ZBTB5: variants seen among roughly 807,000 people sequenced by gnomAD.
ZBTB5 encodes zinc finger and BTB domain containing 5.
In ZBTB5, 15 loss-of-function variants were observed where a neutral mutation model predicts 37.9. The ratio of observed to expected loss-of-function variants is 0.40; its 90% CI spans 0.26 to 0.61. The LOEUF (loss-of-function observed/expected upper bound fraction) is 0.61, where lower values mean the gene tolerates loss of function less well. Ranked by LOEUF, ZBTB5 falls within the 20% of genes least tolerant of loss-of-function variation. The pLI, the probability that ZBTB5 is intolerant of heterozygous loss-of-function variation, is 0.47. For synonymous variants in ZBTB5, 315 were observed against 312.4 expected, an observed-to-expected ratio of 1.01 and a Z score of -0.09; for missense variants, 708 against 856.8, an observed-to-expected ratio of 0.83 and a Z score of 2.17.
At position 37,439,803 on chromosome 9, in the gene ZBTB5, C is replaced by T. The variant is rs1351799918; in HGVS notation, c.*715G>A. ...AGCACATAGGGAAACAATACCTTGT[C>T]ACTCTCTACAAGTACACACTCCATT... On this transcript the variant is annotated 3_prime_UTR_variant, in exon 2 of 2. Transcript: ENST00000307750. 2.0e-5 allele frequency: 3 copies of T among 151,630 alleles called. No homozygotes were observed. Among genetic ancestry groups the T allele is most frequent in the Admixed American group, 6.6e-5 (1 of 15,168 alleles). 9.4% of individuals were successfully genotyped at this position (151,630 alleles called of 1,614,324 possible).
chr9:37,461,863 TTTTA>T (rs752068995), intron 1 of ZBTB5, among the ~76,000 whole-genome samples: 17 of 152,208 alleles, frequency 1.1e-4, no homozygotes, highest in Admixed American at 8.5e-4. Context: ...AAAATGAACA[TTTTA>T]TTTGTTAATT....
chr9:37,440,968 T>C lies in ZBTB5; in HGVS notation c.1584A>G (p.Gly528=), dbSNP rs1823858045. 1.2e-6 allele frequency: 2 copies of C among 1,614,094 alleles called. No homozygotes were observed. The highest frequency in any genetic ancestry group is 1.7e-5 in the Admixed American group (1 of 60,016). The change falls in exon 2 of 2, where the codon GGA becomes GGG. Residue 528 remains glycine, a synonymous_variant. Coordinates refer to ENST00000307750, the MANE Select transcript of ZBTB5 (RefSeq NM_014872.3). Reference sequence around the variant, plus strand: ...GGCGGTAGTAAGGAAAGTTACTGGCTCCTCCCCTTGGGGAACCTATCATTA... The same window carrying C: ...GGCGGTAGTAAGGAAAGTTACTGGCCCCTCCCCTTGGGGAACCTATCATTA... The part of the protein sequence containing the change: ...SRVMIGSPRG[G]ASNFPYYRRI...
rs751317514 is a variant in ZBTB5, at chr9:37,442,145, T to C, written c.407A>G (p.Gln136Arg). 2 of 1,614,244 alleles carry C rather than the reference T, an allele frequency of 1.2e-6. No individual in the cohort carries two copies. The highest frequency in any genetic ancestry group is 1.7e-6 in the Non-Finnish European group (2 of 1,180,050). ...MSPPSERVQE[Q>R]SARMQRSFML... ...AAAGGAGCGCTGCATGCGGGCGCTC[T>C]GCTCCTGAACGCGCTCACTGGGGGG... Residue 136 changes from glutamine to arginine, a missense_variant, in exon 2 of 2, where the codon CAG becomes CGG. Gln to Arg is a conservative substitution (Grantham distance 43). Around this residue, in one of 3 missense-constraint regions of ZBTB5, gnomAD observed 639 missense variants for 690.5 expected, o/e 0.93. Coordinates refer to ENST00000307750, the MANE Select transcript of ZBTB5 (RefSeq NM_014872.3).
chr9:37,444,147 T>C (rs1286798786), intron 1 of ZBTB5, among the ~76,000 whole-genome samples: 1 of 152,164 alleles, frequency 6.6e-6, no homozygotes, highest in Non-Finnish European at 1.5e-5. Context: ...ATATCTTGAC[T>C]ACAGAAAGAG....
intron 1 of ZBTB5, among the ~76,000 whole-genome samples, chr9:37,451,281 C>T (rs751066291): frequency 1.3e-5 from 2 of 152,060 alleles, no homozygotes; most frequent in South Asian, 4.1e-4. Flanking sequence ...AAATGATGTT[C>T]ACTGGCTAGG....
intron 1 of ZBTB5, among the ~76,000 whole-genome samples, chr9:37,455,174 A>C (rs1588781755): frequency 1.3e-5 from 2 of 152,168 alleles, no homozygotes; most frequent in Admixed American, 1.3e-4. Context: ...ATGAGCAGAC[A>C]AACAGAATGT....
At position 37,460,236 on chromosome 9, in the gene ZBTB5, G is replaced by C. The variant is rs533109057; in HGVS notation, c.-5+4979C>G. Among the ~76,000 whole-genome samples the C allele has an allele frequency of 1.9e-4, 29 of 150,744 alleles. No individual in the cohort carries two copies. The South Asian group carries it at 5.9e-3, about 31-fold the overall frequency. ...GTGGATCAACTGAGGTCGGAAGTTCGAAACTAGCCTGACCAACATGGAGAA... is the reference window on the plus strand; with the variant it reads ...GTGGATCAACTGAGGTCGGAAGTTCCAAACTAGCCTGACCAACATGGAGAA... On this transcript the variant is annotated intron_variant, in intron 1 of 1. Coordinates refer to ENST00000307750, the MANE Select transcript of ZBTB5 (RefSeq NM_014872.3).
chr9:37,444,960 G>A (rs1458847271), intron 1 of ZBTB5, among the ~76,000 whole-genome samples: 3 of 151,904 alleles, frequency 2.0e-5, no homozygotes, highest in Non-Finnish European at 4.4e-5. Flanking sequence ...TCTCCAAGGG[G>A]GGTGGGAAAA....
At chr9:37,460,222 G>A (rs1824264983) in intron 1 of ZBTB5, among the ~76,000 whole-genome samples, 1 of 151,984 alleles carries the variant, frequency 6.6e-6, no homozygotes, top group Non-Finnish European at 1.5e-5. Context: ...TGGATCAACT[G>A]AGGTCGGAAG....
chr9:37,444,522 T>G (rs1375753806), intron 1 of ZBTB5, among the ~76,000 whole-genome samples: 3 of 152,194 alleles, frequency 2.0e-5, no homozygotes, highest in Admixed American at 6.6e-5. Flanking sequence ...TTTTTAAATT[T>G]TGAGAACTGA....
chr9:37,450,779 C>T lies in ZBTB5; in HGVS notation c.-4-8224G>A, dbSNP rs1276235207. 2.0e-5 allele frequency among the ~76,000 whole-genome samples: 3 copies of T among 151,680 alleles called. 1 individual carries two copies. The highest frequency in any genetic ancestry group is 2.9e-5 in the Non-Finnish European group (2 of 67,974). ...ACTCAGGAGGCTGAGGCAGGAGAATCGCTTGAACCTGGGAGGCGGAGGTTG... is the reference window on the plus strand; with the variant it reads ...ACTCAGGAGGCTGAGGCAGGAGAATTGCTTGAACCTGGGAGGCGGAGGTTG... On this transcript the variant is annotated intron_variant, in intron 1 of 1. Transcript: ENST00000307750.
At position 37,438,552 on chromosome 9, in the gene ZBTB5, G is replaced by C. The variant is rs780128661; in HGVS notation, c.*1966C>G. 1 of 152,210 alleles carries C rather than the reference G, an allele frequency of 6.6e-6. No individual in the cohort carries two copies. Among genetic ancestry groups the C allele is most frequent in the Non-Finnish European group, 1.5e-5 (1 of 68,060 alleles). 9.4% of individuals were successfully genotyped at this position (152,210 alleles called of 1,614,324 possible). A position where few individuals can be genotyped will look rare whatever the true frequency, so the allele number is the denominator to read the frequency against. Reference sequence around the variant, plus strand: ...CACTTATGCTTCAGCAGAGGTAAGCGGGCAGGCTCCTGGCACCACCTCCTC... The same window carrying C: ...CACTTATGCTTCAGCAGAGGTAAGCCGGCAGGCTCCTGGCACCACCTCCTC... On this transcript the variant is annotated 3_prime_UTR_variant, in exon 2 of 2. Transcript: ENST00000307750.
chr9:37,446,277 C>T (rs536244997), intron 1 of ZBTB5, among the ~76,000 whole-genome samples: 2 of 152,290 alleles, frequency 1.3e-5, no homozygotes, highest in East Asian at 3.9e-4. Flanking sequence ...CAAGTGGCTC[C>T]CCAGGCCCAA....
chr9:37,443,989 GGGAGGATC>G (rs1823930934), intron 1 of ZBTB5, among the ~76,000 whole-genome samples: 3 of 152,128 alleles, frequency 2.0e-5, no homozygotes, highest in Non-Finnish European at 4.4e-5. Context: ...AGGCTGAGGT[GGGAGGATC>G]ACTTGAGCCT....
In ZBTB5 at chr9:37,439,905, T is replaced by C. The variant is rs1430224375; in HGVS notation, c.*613A>G. 1.3e-5 allele frequency: 2 copies of C among 154,176 alleles called. No homozygotes were observed. Among genetic ancestry groups the C allele is most frequent in the Admixed American group, 1.3e-4 (2 of 15,544 alleles). The allele number at this position is 154,176 out of a possible 1,614,324, so 9.6% of individuals were successfully genotyped here. ...TGATGTATTCAAAAGTATATACATC[T>C]AATAGTCCAAGAGAATGCTCACTCT... On this transcript the variant is annotated 3_prime_UTR_variant, in exon 2 of 2. Coordinates refer to ENST00000307750, the MANE Select transcript of ZBTB5 (RefSeq NM_014872.3).
intron 1 of ZBTB5, among the ~76,000 whole-genome samples, chr9:37,457,226 A>T (rs954564559): frequency 2.0e-5 from 3 of 152,068 alleles, no homozygotes; most frequent in African/African-American, 7.2e-5. Flanking sequence ...CATTCATGTA[A>T]TATGTTTTTT....
intron 1 of ZBTB5, among the ~76,000 whole-genome samples, chr9:37,449,760 T>C (rs1322849401): frequency 1.4e-5 from 2 of 147,434 alleles, no homozygotes; most frequent in Non-Finnish European, 3.0e-5. Context: ...ATTAAGCAGA[T>C]AGTGAGGGTA....
At chr9:37,457,252 T>C (rs1332711658) in intron 1 of ZBTB5, among the ~76,000 whole-genome samples, 1 of 152,232 alleles carries the variant, frequency 6.6e-6, no homozygotes, top group Non-Finnish European at 1.5e-5. Context: ...GTTTTGTTTT[T>C]GAGACAGAGT....
chr9:37,451,555 C>CAAAAA (rs67502719), intron 1 of ZBTB5, among the ~76,000 whole-genome samples: 2 of 72,742 alleles, frequency 2.7e-5, no homozygotes, highest in African/African-American at 5.4e-5. Flanking sequence ...GAGACTATCT[C>CAAAAA]AAAAAAAAAA....
Sources: allele counts gnomAD v4.1 joint callset (sites outside exome capture counted in the v4.1 genomes callset), GRCh38; gene constraint gnomAD v4.1.1; regional missense constraint gnomAD v4.1.1; transcripts MANE v1.5; gene names NCBI Gene and HGNC (gene_info 2026-07-23, HGNC 2026-07-21).